The following MYO3A variants were observed in gnomAD, a reference collection of about 807,000 sequenced individuals.
MYO3A encodes the protein myosin-IIIa.
A neutral mutation model predicts 192.7 loss-of-function variants in MYO3A; 180 were observed. The observed-to-expected ratio is 0.93, with a 90% confidence interval of 0.83 to 1.06. The LOEUF is 1.06. Among genes scored for constraint, MYO3A ranks in the 50% least tolerant of loss-of-function variants. The pLI, the probability that MYO3A is intolerant of heterozygous loss-of-function variation, is 0.00. For synonymous variants in MYO3A, 628 were observed against 645.3 expected, an observed-to-expected ratio of 0.97 and a Z score of 0.41; for missense variants, 1,896 against 1,905.0, an observed-to-expected ratio of 1.00 and a Z score of 0.09.
chr10:26,208,627 A>ATC, intron 34 of MYO3A, among the ~76,000 whole-genome samples: 1 of 152,334 alleles, frequency 6.6e-6, no homozygotes, highest in East Asian at 1.9e-4. Flanking sequence ...CAAGTCAGTA[A>ATC]CTCAGAAGAG....
intron 4 of MYO3A, among the ~76,000 whole-genome samples, chr10:25,973,283 G>A (rs1838770453): frequency 6.6e-6 from 1 of 152,008 alleles, no homozygotes; most frequent in Non-Finnish European, 1.5e-5. Flanking sequence ...CACTCTGCTT[G>A]TCTATTGTTG....
intron 17 of MYO3A, among the ~76,000 whole-genome samples, chr10:26,107,772 T>C (rs1462602599): frequency 1.3e-5 from 2 of 152,120 alleles, no homozygotes; most frequent in African/African-American, 2.4e-5. Context: ...TACTCTTTTA[T>C]CTTTAATTGG....
intron 30 of MYO3A, among the ~76,000 whole-genome samples, chr10:26,175,945 G>T (rs192340724): frequency 1.3e-5 from 2 of 150,520 alleles, no homozygotes; most frequent in East Asian, 3.9e-4. Context: ...CGATAGAGGC[G>T]GGGGGCAGAA....
intron 15 of MYO3A, among the ~76,000 whole-genome samples, chr10:26,089,339 C>G (rs1836547912): frequency 6.6e-6 from 1 of 152,140 alleles, no homozygotes; most frequent in Non-Finnish European, 1.5e-5. Flanking sequence ...CAGTGGCTCA[C>G]ACCTGTAATC....
At chr10:26,124,602 A>C (rs1462349498) in intron 18 of MYO3A, among the ~76,000 whole-genome samples, 1 of 152,192 alleles carries the variant, frequency 6.6e-6, no homozygotes, top group Admixed American at 6.5e-5. Flanking sequence ...TCTTGTCACA[A>C]GTGCTAAAAG....
At chr10:26,081,745 C>T (rs1327759509) in intron 14 of MYO3A, among the ~76,000 whole-genome samples, 1 of 152,212 alleles carries the variant, frequency 6.6e-6, no homozygotes, top group Non-Finnish European at 1.5e-5. Context: ...TCTGCTGCTT[C>T]CTCTACCCCT....
intron 10 of MYO3A, among the ~76,000 whole-genome samples, chr10:26,036,499 T>C (rs566624539): frequency 3.3e-5 from 5 of 152,202 alleles, no homozygotes; most frequent in Non-Finnish European, 7.3e-5. Context: ...CCAACAAAAC[T>C]GCATTCAGTG....
At position 26,128,392 on chromosome 10, in the gene MYO3A, G is replaced by T; in HGVS notation, c.2116G>T (p.Gly706Trp). Residue 706 changes from glycine to tryptophan, a missense_variant and splice_region_variant, in exon 20 of 35, where the codon GGG becomes TGG. Physicochemically the swap from Gly to Trp is radical, Grantham distance 184 (BLOSUM62 -2). Transcript: ENST00000642920. ...ATAATGCCTCTTCAATTCTTCTAGT[G>T]GGAATGGTGATGAGCTGAGCATTGG... is the stretch of plus-strand genomic sequence containing the variant. ...SLLKHDSSPS[G>W]NGDELSIGIL... 1 of 1,612,778 alleles carries T rather than the reference G, an allele frequency of 6.2e-7. No individual in the cohort carries two copies. The highest frequency in any genetic ancestry group is 1.1e-5 in the South Asian group (1 of 91,038).
intron 21 of MYO3A, 113 bp from the exon 22 acceptor site, chr10:26,145,333 T>C: frequency 1.4e-6 from 1 of 714,170 alleles, no homozygotes; most frequent in South Asian, 1.6e-5. Context: ...ATATTAGCTA[T>C]GTAAAATTTT....
intron 31 of MYO3A, among the ~76,000 whole-genome samples, chr10:26,184,171 C>T (rs1206218472): frequency 6.6e-6 from 1 of 152,194 alleles, no homozygotes; most frequent in Non-Finnish European, 1.5e-5. Context: ...GTGTGCAGCT[C>T]TCTTTAAGTC....
chr10:26,209,823 T>C lies in MYO3A; in HGVS notation c.4731-2020T>C, dbSNP rs1256253086. ...GTACTTAAAATTCCTGGCCTGGCAC[T>C]GTGGGTCATGCCTGTAATCCCAGCA... is the stretch of plus-strand genomic sequence containing the variant. On this transcript the variant is annotated intron_variant, in intron 34 of 34. Transcript: ENST00000642920. 3.9e-5 allele frequency among the ~76,000 whole-genome samples: 6 copies of C among 152,300 alleles called. No individual in the cohort carries two copies. In the East Asian group the frequency reaches 1.2e-3, roughly 29 times the overall value.
chr10:26,047,774 C>CAAAAAAAAAAAAAAAAAAAAAAAAAAAA (rs1423133061), intron 10 of MYO3A, among the ~76,000 whole-genome samples: 1 of 151,142 alleles, frequency 6.6e-6, no homozygotes, highest in African/African-American at 2.5e-5. Context: ...GACTCCATCT[C>CAAAAAAAAAAAAAAAAAAAAAAAAAAAA]AATAAAAAAA....
intron 10 of MYO3A, among the ~76,000 whole-genome samples, chr10:26,061,297 A>G (rs1326983611): frequency 1.3e-5 from 2 of 152,222 alleles, no homozygotes; most frequent in East Asian, 3.9e-4. Context: ...TCTACACACA[A>G]CTTTCTCAAG....
intron 4 of MYO3A, among the ~76,000 whole-genome samples, chr10:25,996,287 T>C (rs995743168): frequency 6.6e-6 from 1 of 152,256 alleles, no homozygotes; most frequent in South Asian, 2.1e-4. Flanking sequence ...AATTAATTCA[T>C]GTGAAAATTG....
intron 15 of MYO3A, among the ~76,000 whole-genome samples, chr10:26,095,218 AC>A (rs1239931369): frequency 6.6e-6 from 1 of 152,164 alleles, no homozygotes; most frequent in African/African-American, 2.4e-5. Flanking sequence ...ACAGTTTTAT[AC>A]CAATGGAAAG....
At position 26,176,807 on chromosome 10, in the gene MYO3A, C is replaced by G. The variant is rs923233531; in HGVS notation, c.4400C>G (p.Pro1467Arg). The change falls in exon 31 of 35, where the codon CCA (proline) becomes CGA (arginine). Residue 1467 changes from proline to arginine, a missense_variant. Pro to Arg is a moderately radical substitution (Grantham distance 103). Transcript: ENST00000642920. ...SLYLGVSHHK[P>R]INRRVSSQQC... The stretch of plus-strand genomic sequence containing the variant: ...TATCTGGGTGTCTCGCACCATAAGC[C>G]AATTAATAGACGAGTTTCTTCTCAG... 2 of 1,614,046 alleles carry G rather than the reference C, an allele frequency of 1.2e-6. No individual in the cohort carries two copies. Among genetic ancestry groups the G allele is most frequent in the Non-Finnish European group, 8.5e-7 (1 of 1,179,978 alleles).
chr10:26,062,708 T>C (rs530088049), intron 10 of MYO3A, among the ~76,000 whole-genome samples: 2 of 152,194 alleles, frequency 1.3e-5, no homozygotes, highest in South Asian at 2.1e-4. Context: ...CTTAGGATGA[T>C]AGAAGATGTG....
intron 34 of MYO3A, among the ~76,000 whole-genome samples, chr10:26,204,834 CA>C (rs1843836942): frequency 6.6e-6 from 1 of 152,080 alleles, no homozygotes; most frequent in South Asian, 2.1e-4. Context: ...ACCCATATAA[CA>C]AAGCTGAACA....
intron 4 of MYO3A, among the ~76,000 whole-genome samples, chr10:25,965,352 TG>T (rs1357720775): frequency 6.6e-6 from 1 of 152,104 alleles, no homozygotes; most frequent in African/African-American, 2.4e-5. Context: ...GGGCCTGGAA[TG>T]GGGGCCTCAT....
Sources: gnomAD v4.1 joint callset for allele counts (sites outside exome capture counted in the v4.1 genomes callset) on GRCh38, gnomAD v4.1.1 for gene constraint, MANE v1.5 for transcripts, NCBI Gene and HGNC (gene_info 2026-07-23, HGNC 2026-07-21) for gene names.